Variants in FBXW7 observed in about 807,000 individuals in gnomAD.
The protein encoded by FBXW7 is F-box/WD repeat-containing protein 7.
In FBXW7, 11 loss-of-function variants were observed where a neutral mutation model predicts 86.3. The observed-to-expected ratio is 0.13, with a 90% CI of 0.08 to 0.21. The LOEUF is 0.21. Ranked by LOEUF, FBXW7 falls within the 10% of genes least tolerant of loss-of-function variation. The pLI is 1.00. For synonymous variants in FBXW7, 313 were observed against 297.9 expected, an observed-to-expected ratio of 1.05 and a Z score of -0.52; for missense variants, 488 against 847.4, an observed-to-expected ratio of 0.58 and a Z score of 5.27.
At chr4:152,490,727 C>A (rs1366884675) in intron 2 of FBXW7, among the ~76,000 whole-genome samples, 1 of 152,032 alleles carries the variant, frequency 6.6e-6, no homozygotes, top group Non-Finnish European at 1.5e-5. Context: ...CCTGCACCTA[C>A]AATACCAATA....
At chr4:152,525,814 A>G (rs187454829) in intron 2 of FBXW7, among the ~76,000 whole-genome samples, 2 of 127,830 alleles carry the variant, frequency 1.6e-5, no homozygotes, top group Admixed American at 1.6e-4. Flanking sequence ...CTGGGTATAT[A>G]CCCATTAGTA....
intron 2 of FBXW7, among the ~76,000 whole-genome samples, chr4:152,524,002 A>G (rs1405886235): frequency 1.3e-5 from 2 of 152,222 alleles, no homozygotes; most frequent in African/African-American, 4.8e-5. Context: ...CCAATGTCTC[A>G]GCATTCAGAA....
intron 2 of FBXW7, among the ~76,000 whole-genome samples, chr4:152,413,340 C>A (rs1436488313): frequency 1.3e-5 from 2 of 151,990 alleles, no homozygotes; most frequent in Non-Finnish European, 2.9e-5. Context: ...AATCTGATGG[C>A]TAACAAACAA....
intron 4 of FBXW7, among the ~76,000 whole-genome samples, chr4:152,393,196 G>A (rs1269227544): frequency 1.3e-5 from 2 of 151,980 alleles, no homozygotes. Flanking sequence ...ATTTTTATGT[G>A]AACTCTCAAG....
intron 2 of FBXW7, among the ~76,000 whole-genome samples, chr4:152,529,091 A>AT (rs148026524): frequency 0.016 from 2,425 of 152,182 alleles, 72 homozygotes; most frequent in African/African-American, 0.055. Context: ...AAACATACAC[A>AT]TTTTTCCCTG....
intron 4 of FBXW7, among the ~76,000 whole-genome samples, chr4:152,386,222 C>G (rs1460251601): frequency 6.6e-6 from 1 of 151,968 alleles, no homozygotes; most frequent in South Asian, 2.1e-4. Context: ...AAAGATGATA[C>G]CACAAATAAT....
At chr4:152,427,479 G>A (rs941578057) in intron 2 of FBXW7, among the ~76,000 whole-genome samples, 3 of 152,150 alleles carry the variant, frequency 2.0e-5, no homozygotes, top group Non-Finnish European at 4.4e-5. Context: ...GTTAAGACCA[G>A]GCTTCCAATT....
intron 4 of FBXW7, among the ~76,000 whole-genome samples, chr4:152,385,639 C>A (rs1287455896): frequency 6.6e-6 from 1 of 151,942 alleles, no homozygotes; most frequent in Non-Finnish European, 1.5e-5. Flanking sequence ...ACAACAGAAA[C>A]AAAACATAAG....
intron 4 of FBXW7, among the ~76,000 whole-genome samples, chr4:152,374,444 T>C (rs1734299908): frequency 6.6e-6 from 1 of 152,048 alleles, no homozygotes; most frequent in Non-Finnish European, 1.5e-5. Flanking sequence ...GAAAATGAAA[T>C]ATTCAAAATC....
chr4:152,323,418 T>C, intron 13 of FBXW7: 1 of 480,806 alleles, frequency 2.1e-6, no homozygotes. Context: ...ATTTTCTGGC[T>C]GTGTGAACGA....
rs1731985422 is a variant in FBXW7 at position 152,352,909 on chromosome 4, T to C, written c.502-2785A>G. The C allele has an allele frequency of 2.8e-6, 4 of 1,433,648 alleles. No individual in the cohort carries two copies. In the African/African-American group the frequency reaches 4.3e-5, roughly 15 times the overall value. The allele number at this position is 1,433,648 out of a possible 1,614,324, so 88.8% of individuals were successfully genotyped here. A position where few individuals can be genotyped will look rare whatever the true frequency, so the allele number is the denominator to read the frequency against. On this transcript the variant is annotated intron_variant, in intron 4 of 13. Transcript: ENST00000281708. ...AATGGTGCAGTCCAGGATTCAGCAATGCAGACTGCACATCAATTATATGGT... is the reference window on the plus strand; with the variant it reads ...AATGGTGCAGTCCAGGATTCAGCAACGCAGACTGCACATCAATTATATGGT...
chr4:152,380,133 T>C (rs1040914487), intron 4 of FBXW7, among the ~76,000 whole-genome samples: 4 of 152,166 alleles, frequency 2.6e-5, no homozygotes, highest in African/African-American at 9.6e-5. Flanking sequence ...GAAGAATGTT[T>C]GCTTTGTGTG....
At chr4:152,360,216 C>T (rs1732805891) in intron 4 of FBXW7, among the ~76,000 whole-genome samples, 1 of 152,102 alleles carries the variant, frequency 6.6e-6, no homozygotes, top group Non-Finnish European at 1.5e-5. Context: ...TCTTTCTGTA[C>T]TAGGAGAACT....
At chr4:152,502,219 T>C (rs539760373) in intron 2 of FBXW7, among the ~76,000 whole-genome samples, 3 of 152,314 alleles carry the variant, frequency 2.0e-5, no homozygotes, top group Admixed American at 6.5e-5. Context: ...CTTTATTTAG[T>C]TGTACTTAAT....
intron 4 of FBXW7, among the ~76,000 whole-genome samples, chr4:152,371,871 G>C (rs1294066905): frequency 6.6e-6 from 1 of 151,918 alleles, no homozygotes; most frequent in Non-Finnish European, 1.5e-5. Flanking sequence ...TGGATGATGA[G>C]ACAAGTCTCT....
rs1021458483 is a variant in FBXW7 at position 152,535,961 on chromosome 4, G to T, written c.-1047C>A. ...GTCTCGGCGGCGGCCAGTGCAGGGG[G>T]ACTGGATCTCTCGGATGCTCCTTCG... is the stretch of plus-strand genomic sequence containing the variant. On this transcript the variant is annotated 5_prime_UTR_variant, in exon 1 of 14. Coordinates refer to ENST00000281708, the MANE Select transcript of FBXW7 (RefSeq NM_001349798.2). The T allele has an allele frequency of 9.8e-5, 28 of 286,898 alleles. No homozygotes were observed. The East Asian group carries it at 1.6e-3, about 17-fold the overall frequency. The allele number at this position is 286,898 out of a possible 1,614,324, so 17.8% of individuals were successfully genotyped here.
chr4:152,443,157 G>A (rs921331369), intron 2 of FBXW7, among the ~76,000 whole-genome samples: 30 of 152,160 alleles, frequency 2.0e-4, no homozygotes, highest in African/African-American at 6.8e-4. Flanking sequence ...AGCTACTCGG[G>A]AGGCAGAGGC....
rs1236892351 is a variant in FBXW7, at chr4:152,347,003, T to G, written c.653A>C (p.Gln218Pro). 1.2e-6 allele frequency: 2 copies of G among 1,613,294 alleles called. No homozygotes were observed. Among genetic ancestry groups the G allele is most frequent in the East Asian group, 2.2e-5 (1 of 44,868 alleles). ...TFGDLRAANG[Q>P]GQQRRRITSV... ...TGTAATTCGGCGTCGTTGTTGCCCT[T>G]GGCCATTGGCTGCTCTGAGGTCCCC... is the stretch of plus-strand genomic sequence containing the variant. Residue 218 changes from glutamine (Q) to proline (P), a missense_variant, in exon 6 of 14, where the codon CAA (glutamine) becomes CCA (proline). This residue lies in a region of FBXW7 where 59 missense variants were observed against 137.9 expected (regional missense o/e 0.43). Coordinates refer to ENST00000281708, the MANE Select transcript of FBXW7 (RefSeq NM_001349798.2).
chr4:152,390,909 A>G (rs2126808301), intron 4 of FBXW7, among the ~76,000 whole-genome samples: 1 of 152,128 alleles, frequency 6.6e-6, no homozygotes, highest in South Asian at 2.1e-4. Flanking sequence ...GGCTCAACCA[A>G]ATTGACAGTT....
Sources: gnomAD v4.1 joint callset for allele counts (sites outside exome capture counted in the v4.1 genomes callset) on GRCh38, gnomAD v4.1.1 for gene constraint, gnomAD v4.1.1 regional missense constraint, MANE v1.5 for transcripts, NCBI Gene and HGNC (gene_info 2026-07-23, HGNC 2026-07-21) for gene names.